ONECUT3: variants seen among roughly 807,000 people sequenced by gnomAD.
ONECUT3 encodes the protein one cut domain family member 3.
A neutral mutation model predicts 16.8 loss-of-function variants in ONECUT3; 11 were observed. The observed-to-expected ratio is 0.66, with a 90% CI of 0.41 to 1.09. The LOEUF is 1.09. Among genes scored for constraint, ONECUT3 ranks in the 50% least tolerant of loss-of-function variants. The pLI is 0.00. For synonymous variants in ONECUT3, 344 were observed against 310.7 expected (o/e 1.11, Z -1.13); for missense variants, 637 against 629.9 (o/e 1.01, Z -0.12).
At position 1,775,444 on chromosome 19, in the gene ONECUT3, G is replaced by T; in HGVS notation, c.1484G>T (p.Ter495LeuextTer87). 1.3e-6 allele frequency: 2 copies of T among 1,486,012 alleles called. No homozygotes were observed. The highest frequency in any genetic ancestry group is 1.8e-6 in the Non-Finnish European group (2 of 1,123,154). 92.1% of individuals were successfully genotyped at this position (1,486,012 alleles called of 1,614,324 possible). A position where few individuals can be genotyped will look rare whatever the true frequency, so the allele number is the denominator to read the frequency against. Reference protein sequence around the residue: ...AGATATFSKA* With the variant: ...AGATATFSKAL ...GCCACGGCCACTTTCTCCAAGGCCTGAGGCGCCCCGGCCCCGCGCCCTCCC... is the reference window on the plus strand; with the variant it reads ...GCCACGGCCACTTTCTCCAAGGCCTTAGGCGCCCCGGCCCCGCGCCCTCCC... Residue 495 changes from the stop codon to leucine, a stop_lost, in exon 2 of 2, where the codon TGA becomes TTA. Transcript: ENST00000382349.
At chr19:1,756,722 A>G (rs146877361) in intron 1 of ONECUT3, among the ~76,000 whole-genome samples, 1 of 72,878 alleles carries the variant, frequency 1.4e-5, no homozygotes, top group Non-Finnish European at 2.8e-5. Flanking sequence ...TTTTTTTTGT[A>G]TTTTTAGTAG....
At position 1,758,316 on chromosome 19, in the gene ONECUT3, AGAGAGAGAG is replaced by A. The variant is rs1243819335; in HGVS notation, c.1192+3463_1192+3471del. Among the ~76,000 whole-genome samples the A allele has an allele frequency of 1.1e-4, 5 of 44,060 alleles. No homozygotes were observed. The highest frequency in any genetic ancestry group is 2.1e-4 in the African/African-American group (4 of 19,502). 28.9% of individuals were successfully genotyped at this position (44,060 alleles called of 152,430 possible). A position where few individuals can be genotyped will look rare whatever the true frequency, so the allele number is the denominator to read the frequency against. On this transcript the variant is annotated intron_variant, in intron 1 of 1. Coordinates refer to ENST00000382349, the MANE Select transcript of ONECUT3 (RefSeq NM_001080488.2). This position sits in a 1 kb window ranked among gnomAD's most constrained non-coding sequence, Gnocchi z 5.9. The stretch of plus-strand genomic sequence containing the variant: ...CAGAGAGACCAAAAAAAAAAAAAAA[AGAGAGAGAG>A]AGAGAGAGAGACAGAGATGGGAGAG...
intron 1 of ONECUT3, among the ~76,000 whole-genome samples, chr19:1,756,692 G>A (rs1198429289): frequency 9.0e-6 from 1 of 111,084 alleles, no homozygotes; most frequent in Non-Finnish European, 1.8e-5. Flanking sequence ...ACCACGCCTG[G>A]CTATTTTTTT....
intron 1 of ONECUT3, among the ~76,000 whole-genome samples, chr19:1,763,611 C>T (rs1255805371): frequency 2.6e-5 from 4 of 151,936 alleles, no homozygotes; most frequent in Non-Finnish European, 4.4e-5. Flanking sequence ...CGCCAGTTTC[C>T]GAATTTCAAT....
At position 1,767,211 on chromosome 19, in the gene ONECUT3, A is replaced by C. The variant is rs1183783553; in HGVS notation, c.1193-7942A>C. On this transcript the variant is annotated intron_variant, in intron 1 of 1. Coordinates refer to ENST00000382349, the MANE Select transcript of ONECUT3 (RefSeq NM_001080488.2). Reference sequence around the variant, plus strand: ...TGGTTGGAAGGCAAGTGTCGCCCAGAGCCCAGCTCCTCTCAGGGACCCCCA... The same window carrying C: ...TGGTTGGAAGGCAAGTGTCGCCCAGCGCCCAGCTCCTCTCAGGGACCCCCA... Among the ~76,000 whole-genome samples the C allele has an allele frequency of 2.0e-5, 3 of 152,092 alleles. No homozygotes were observed. In the East Asian group the frequency reaches 5.8e-4, roughly 29 times the overall value.
intron 1 of ONECUT3, among the ~76,000 whole-genome samples, chr19:1,763,791 G>A (rs369955286): frequency 8.3e-4 from 121 of 145,664 alleles, no homozygotes; most frequent in Admixed American, 1.6e-3. Flanking sequence ...TCTTCCCCCC[G>A]GCTCAGATCC....
rs2067992552 is a variant in ONECUT3, at chr19:1,766,605, G to A, written c.1193-8548G>A. ...AGTGGAAAAGGAGGGGTGAGGAGGA[G>A]GAGAGGGGATGGTCCCCTCTTGGAG... is the stretch of plus-strand genomic sequence containing the variant. On this transcript the variant is annotated intron_variant, in intron 1 of 1. Transcript: ENST00000382349. This position sits in a 1 kb window ranked among gnomAD's most constrained non-coding sequence, Gnocchi z 4.0. 1.3e-5 allele frequency among the ~76,000 whole-genome samples: 2 copies of A among 151,470 alleles called. No individual in the cohort carries two copies. The highest frequency in any genetic ancestry group is 6.6e-5 in the Admixed American group (1 of 15,178).
In ONECUT3 at chr19:1,754,269, C is replaced by T. The variant is rs1267763049; in HGVS notation, c.607C>T (p.Pro203Ser). Residue 203 changes from proline to serine, a missense_variant, in exon 1 of 2, where the codon CCC becomes TCC. This residue lies in a region of ONECUT3 where 419 missense variants were observed against 377.9 expected (regional missense o/e 1.11). Coordinates refer to ENST00000382349, the MANE Select transcript of ONECUT3 (RefSeq NM_001080488.2). The surrounding 1 kb of genome is among the most constrained non-coding windows in gnomAD (Gnocchi z 7.4). The part of the protein sequence containing the change: ...PAMGSPLSPL[P>S]NALPPALHGA... Reference sequence around the variant, plus strand: ...CATGGGGTCGCCGCTGTCGCCGCTGCCCAACGCGCTGCCGCCCGCGCTGCA... The same window carrying T: ...CATGGGGTCGCCGCTGTCGCCGCTGTCCAACGCGCTGCCGCCCGCGCTGCA... 3.8e-6 allele frequency: 4 copies of T among 1,061,880 alleles called. No individual in the cohort carries two copies. The African/African-American group carries it at 5.2e-5, about 14-fold the overall frequency. The allele number at this position is 1,061,880 out of a possible 1,614,324, so 65.8% of individuals were successfully genotyped here. A position where few individuals can be genotyped will look rare whatever the true frequency, so the allele number is the denominator to read the frequency against.
chr19:1,769,741 C>G (rs1266490880), intron 1 of ONECUT3, among the ~76,000 whole-genome samples: 2 of 152,000 alleles, frequency 1.3e-5, no homozygotes, highest in African/African-American at 2.4e-5. Context: ...AAGCTGCTCG[C>G]GGTAAACAGC....
chr19:1,780,561 AC>A lies in ONECUT3; in HGVS notation c.*5120del. 6.6e-6 allele frequency: 1 copy of A among 152,192 alleles called. No homozygotes were observed. Among genetic ancestry groups the A allele is most frequent in the Non-Finnish European group, 1.5e-5 (1 of 68,024 alleles). 9.4% of individuals were successfully genotyped at this position (152,192 alleles called of 1,614,324 possible). On this transcript the variant is annotated 3_prime_UTR_variant, in exon 2 of 2. Transcript: ENST00000382349. Reference sequence around the variant, plus strand: ...GGGGTAGCTAAACGGGGTGCTTCTCACCCCATAAAGCAGCAAGCCCTGGTCT... The same window carrying A: ...GGGGTAGCTAAACGGGGTGCTTCTCACCCATAAAGCAGCAAGCCCTGGTCT...
Position 1,753,872 on chromosome 19 carries a change from C to T in ONECUT3, c.210C>T (p.Gly70=). 1.0e-6 allele frequency: 1 copy of T among 976,846 alleles called. No individual in the cohort carries two copies. The highest frequency in any genetic ancestry group is 1.2e-6 in the Non-Finnish European group (1 of 825,680). 60.5% of individuals were successfully genotyped at this position (976,846 alleles called of 1,614,324 possible). Reference sequence around the variant, plus strand: ...GTGGGGGCGCCGGGGGCGCGGGCGGCGCGGGCAGCGCGGGCGGCGGCGCGG... The same window carrying T: ...GTGGGGGCGCCGGGGGCGCGGGCGGTGCGGGCAGCGCGGGCGGCGGCGCGG... ...GGGGGAGGAG[G]AGSAGGGADF... The change falls in exon 1 of 2, where the codon GGC becomes GGT. Residue 70 remains glycine, a synonymous_variant. Coordinates refer to ENST00000382349, the MANE Select transcript of ONECUT3 (RefSeq NM_001080488.2).
At chr19:1,773,932 C>T (rs2068080855) in intron 1 of ONECUT3, among the ~76,000 whole-genome samples, 1 of 152,184 alleles carries the variant, frequency 6.6e-6, no homozygotes, top group African/African-American at 2.4e-5. Flanking sequence ...TCACCCCGAG[C>T]CTTTGCTTTT....
At position 1,754,805 on chromosome 19, in the gene ONECUT3, G is replaced by A; in HGVS notation, c.1143G>A (p.Lys381=). 6.4e-7 allele frequency: 1 copy of A among 1,555,660 alleles called. No individual in the cohort carries two copies. Among genetic ancestry groups the A allele is most frequent in the Non-Finnish European group, 8.7e-7 (1 of 1,151,928 alleles). ...SGRETFRRMW[K]WLQEPEFQRM... is the part of the protein sequence containing the mutation. ...GCGAGACCTTCCGCAGGATGTGGAAGTGGCTGCAGGAGCCAGAGTTCCAGC... is the reference window on the plus strand; with the variant it reads ...GCGAGACCTTCCGCAGGATGTGGAAATGGCTGCAGGAGCCAGAGTTCCAGC... The change falls in exon 1 of 2, where the codon AAG becomes AAA. Residue 381 remains lysine, a synonymous_variant. Transcript: ENST00000382349. This position sits in a 1 kb window ranked among gnomAD's most constrained non-coding sequence, Gnocchi z 7.4.
At position 1,754,564 on chromosome 19, in the gene ONECUT3, G is replaced by T; in HGVS notation, c.902G>T (p.Gly301Val). Residue 301 changes from glycine (G) to valine (V), a missense_variant, in exon 1 of 2, where the codon GGA becomes GTA. Coordinates refer to ENST00000382349, the MANE Select transcript of ONECUT3 (RefSeq NM_001080488.2). The surrounding 1 kb of genome is among the most constrained non-coding windows in gnomAD (Gnocchi z 7.4). ...AAAGAHGPHG[G>V]GGGPGGSGGG... ...GCCGGGGCGCACGGGCCGCACGGGG[G>T]AGGCGGCGGCCCCGGCGGGAGCGGC... 1 of 1,089,666 alleles carries T rather than the reference G, an allele frequency of 9.2e-7. No homozygotes were observed. Among genetic ancestry groups the T allele is most frequent in the Non-Finnish European group, 1.1e-6 (1 of 896,494 alleles). 67.5% of individuals were successfully genotyped at this position (1,089,666 alleles called of 1,614,324 possible). A position where few individuals can be genotyped will look rare whatever the true frequency, so the allele number is the denominator to read the frequency against.
rs1409036830 is a variant in ONECUT3, at chr19:1,759,916, T to C, written c.1192+5062T>C. Among the ~76,000 whole-genome samples the C allele has an allele frequency of 1.3e-5, 2 of 151,798 alleles. No homozygotes were observed. The highest frequency in any genetic ancestry group is 2.9e-5 in the Non-Finnish European group (2 of 67,922). ...CGTGGGGCTGCGCGCGAGACTCAGG[T>C]GACTCTGGTGCCCCCACACCAGCAC... is the stretch of plus-strand genomic sequence containing the variant. On this transcript the variant is annotated intron_variant, in intron 1 of 1. Coordinates refer to ENST00000382349, the MANE Select transcript of ONECUT3 (RefSeq NM_001080488.2). The surrounding 1 kb of genome is among the most constrained non-coding windows in gnomAD (Gnocchi z 4.1).
chr19:1,774,559 T>A (rs1051227181), intron 1 of ONECUT3, among the ~76,000 whole-genome samples: 2 of 152,176 alleles, frequency 1.3e-5, no homozygotes, highest in Admixed American at 1.3e-4. Flanking sequence ...CCAAAAACTC[T>A]CATGTGCAGT....
In ONECUT3 at chr19:1,764,475, C is replaced by T. The variant is rs2067967187; in HGVS notation, c.1192+9621C>T. Among the ~76,000 whole-genome samples, 1 of 152,112 alleles carries T rather than the reference C, an allele frequency of 6.6e-6. No homozygotes were observed. Among genetic ancestry groups the T allele is most frequent in the African/African-American group, 2.4e-5 (1 of 41,428 alleles). On this transcript the variant is annotated intron_variant, in intron 1 of 1. Coordinates refer to ENST00000382349, the MANE Select transcript of ONECUT3 (RefSeq NM_001080488.2). The surrounding 1 kb of genome is among the most constrained non-coding windows in gnomAD (Gnocchi z 5.0). ...GGACAAGAGGGAGGCTGGGCGCCTG[C>T]TGAGGCCAAGGTGGGCTCCGCGTGA... is the stretch of plus-strand genomic sequence containing the variant.
Position 1,755,235 on chromosome 19 carries a change from TC to T in ONECUT3, c.1192+385del, listed in dbSNP as rs1198867733. 6.6e-6 allele frequency among the ~76,000 whole-genome samples: 1 copy of T among 151,518 alleles called. No individual in the cohort carries two copies. The highest frequency in any genetic ancestry group is 1.5e-5 in the Non-Finnish European group (1 of 67,872). ...CGCGCGCCTGTTGGGGGGAGCTGTGTCCCCGAACGAGCTGCTGTTGTCGGCT... is the reference window on the plus strand; with the variant it reads ...CGCGCGCCTGTTGGGGGGAGCTGTGTCCCGAACGAGCTGCTGTTGTCGGCT... On this transcript the variant is annotated intron_variant, in intron 1 of 1. Transcript: ENST00000382349. This position sits in a 1 kb window ranked among gnomAD's most constrained non-coding sequence, Gnocchi z 7.5.
At chr19:1,757,032 A>C (rs1472673959) in intron 1 of ONECUT3, among the ~76,000 whole-genome samples, 1 of 151,934 alleles carries the variant, frequency 6.6e-6, no homozygotes, top group Non-Finnish European at 1.5e-5. Flanking sequence ...ACGTTATGTA[A>C]CTAATGACCC....
Sources: allele counts gnomAD v4.1 joint callset (sites outside exome capture counted in the v4.1 genomes callset), GRCh38; gene constraint gnomAD v4.1.1; regional missense constraint gnomAD v4.1.1; non-coding constraint Gnocchi (gnomAD v3.1); transcripts MANE v1.5; gene names NCBI Gene and HGNC (gene_info 2026-07-23, HGNC 2026-07-21).